The following NCOA1 variants were observed in gnomAD, a reference collection of about 807,000 sequenced individuals.
The protein encoded by NCOA1 is Hin-2 protein.
A neutral mutation model predicts 150.9 loss-of-function variants in NCOA1; 35 were observed. The ratio of observed to expected loss-of-function variants is 0.23; its 90% CI spans 0.18 to 0.31. The LOEUF (loss-of-function observed/expected upper bound fraction) is 0.31, where lower values mean the gene tolerates loss of function less well. NCOA1 is among the 10% of genes least tolerant of loss of function. NCOA1 has a pLI of 1.00. For missense variants in NCOA1, 1,491 were observed against 1,749.3 expected, an observed-to-expected ratio of 0.85 and a Z score of 2.63; for synonymous variants, 590 against 630.0, an observed-to-expected ratio of 0.94 and a Z score of 0.95.
chr2:24,654,089 C>T (rs1446928082), intron 4 of NCOA1, among the ~76,000 whole-genome samples: 1 of 152,120 alleles, frequency 6.6e-6, no homozygotes, highest in Non-Finnish European at 1.5e-5. Context: ...CTGTGAATCT[C>T]TGCAGGAAAA....
chr2:24,567,495 G>A (rs1666563264), intron 2 of NCOA1, among the ~76,000 whole-genome samples: 1 of 152,152 alleles, frequency 6.6e-6, no homozygotes, highest in African/African-American at 2.4e-5. Context: ...CTTTTATTCA[G>A]AATGGTTACT....
At chr2:24,642,170 T>G (rs1670260582) in intron 3 of NCOA1, among the ~76,000 whole-genome samples, 1 of 151,948 alleles carries the variant, frequency 6.6e-6, no homozygotes, top group South Asian at 2.1e-4. Flanking sequence ...GACTTGTTTT[T>G]CTGCTGTCAC....
rs566047787 is a variant in NCOA1, at chr2:24,707,426, A to G, written c.1956A>G (p.Thr652=). Residue 652 remains threonine (T), a synonymous_variant, in exon 13 of 23, where the codon ACA becomes ACG. Coordinates refer to ENST00000348332, the MANE Select transcript of NCOA1 (RefSeq NM_003743.5). ...EQQLRHADID[T]SCKDVLSCTG... ...AGTTACGGCATGCTGATATAGACAC[A>G]AGCTGCAAAGATGTCCTGTCTTGCA... 1.2e-6 allele frequency: 2 copies of G among 1,614,192 alleles called. No individual in the cohort carries two copies. The highest frequency in any genetic ancestry group is 2.2e-5 in the South Asian group (2 of 91,082).
Position 24,644,099 on chromosome 2 carries a change from A to G in NCOA1, c.-41A>G, listed in dbSNP as rs1670354410. The G allele has an allele frequency of 6.6e-6, 1 of 152,200 alleles. No individual in the cohort carries two copies. 9.4% of individuals were successfully genotyped at this position (152,200 alleles called of 1,614,324 possible). A position where few individuals can be genotyped will look rare whatever the true frequency, so the allele number is the denominator to read the frequency against. ...TTGACCATATCTGTTTTGAGGATTCATTATGAACAAAGAAGTCTCCCAGGT... is the reference window on the plus strand; with the variant it reads ...TTGACCATATCTGTTTTGAGGATTCGTTATGAACAAAGAAGTCTCCCAGGT... On this transcript the variant is annotated 5_prime_UTR_variant, in exon 4 of 23. Transcript: ENST00000348332.
chr2:24,768,473 A>G lies in NCOA1; in HGVS notation c.*82A>G. ...ATTATATATTTTTCTGAGATTTTTG[A>G]TATCTCAATCTGCAGCCATTCTTCA... On this transcript the variant is annotated 3_prime_UTR_variant, in exon 23 of 23. Coordinates refer to ENST00000348332, the MANE Select transcript of NCOA1 (RefSeq NM_003743.5). The G allele has an allele frequency of 4.6e-6, 3 of 645,564 alleles. No homozygotes were observed. The highest frequency in any genetic ancestry group is 1.2e-4 in the South Asian group (2 of 16,456). 40.0% of individuals were successfully genotyped at this position (645,564 alleles called of 1,614,324 possible).
At chr2:24,537,267 CAG>C (rs1491263395) in intron 1 of NCOA1, among the ~76,000 whole-genome samples, 137 of 148,778 alleles carry the variant, frequency 9.2e-4, no homozygotes, top group African/African-American at 2.9e-3. Context: ...CACACACACA[CAG>C]ACACACAAAC....
intron 8 of NCOA1, among the ~76,000 whole-genome samples, chr2:24,683,770 G>T (rs17046473): frequency 0.046 from 6,931 of 152,206 alleles, 252 homozygotes; most frequent in East Asian, 0.19. Context: ...AAGTTTTTCA[G>T]TGCTCAAGTT....
intron 3 of NCOA1, among the ~76,000 whole-genome samples, chr2:24,616,661 G>A (rs1325845085): frequency 6.6e-6 from 1 of 152,120 alleles, no homozygotes; most frequent in Non-Finnish European, 1.5e-5. Context: ...GTACACTTTT[G>A]ATCTCCTACT....
intron 3 of NCOA1, among the ~76,000 whole-genome samples, chr2:24,639,808 A>G (rs1476665162): frequency 1.3e-5 from 2 of 150,772 alleles, no homozygotes; most frequent in Non-Finnish European, 3.0e-5. Flanking sequence ...GAATCTCTTG[A>G]ACCTGGGAGG....
intron 4 of NCOA1, among the ~76,000 whole-genome samples, chr2:24,649,562 G>A (rs1375938475): frequency 6.6e-6 from 1 of 152,092 alleles, no homozygotes; most frequent in East Asian, 1.9e-4. Context: ...TAATAAGATA[G>A]CTGCCACAAA....
intron 16 of NCOA1, 33 bp downstream of exon 16, chr2:24,728,509 G>A: frequency 2.5e-6 from 4 of 1,572,356 alleles, no homozygotes; most frequent in Non-Finnish European, 3.5e-6. Flanking sequence ...TTTAACTGAT[G>A]GAGCCCTAAG....
intron 14 of NCOA1, among the ~76,000 whole-genome samples, chr2:24,725,008 T>C (rs1674538740): frequency 6.6e-6 from 1 of 152,186 alleles, no homozygotes; most frequent in Admixed American, 6.5e-5. Context: ...AAGCTGTAAT[T>C]ATATACATTT....
intron 3 of NCOA1, among the ~76,000 whole-genome samples, chr2:24,590,970 A>G (rs901833973): frequency 1.3e-5 from 2 of 152,202 alleles, no homozygotes; most frequent in Non-Finnish European, 2.9e-5. Context: ...TTACTACTGT[A>G]TTCCTAACAC....
At chr2:24,666,749 C>T (rs1408999614) in intron 6 of NCOA1, among the ~76,000 whole-genome samples, 6 of 151,990 alleles carry the variant, frequency 3.9e-5, no homozygotes, top group Admixed American at 2.6e-4. Context: ...TCTCCTGCCT[C>T]AGCCTCCCAA....
intron 1 of NCOA1, among the ~76,000 whole-genome samples, chr2:24,555,548 A>G (rs1228464627): frequency 6.6e-6 from 1 of 152,192 alleles, no homozygotes; most frequent in Admixed American, 6.5e-5. Context: ...TAATAACAGG[A>G]GTATTCATAT....
intron 1 of NCOA1, among the ~76,000 whole-genome samples, chr2:24,558,068 T>A (rs980287210): frequency 1.3e-5 from 2 of 151,070 alleles, no homozygotes; most frequent in African/African-American, 4.9e-5. Flanking sequence ...TTGTCTCCAT[T>A]ATTTTTTTTT....
intron 7 of NCOA1, chr2:24,676,494 A>G (rs891035602): frequency 6.6e-6 from 1 of 152,402 alleles, no homozygotes; most frequent in Non-Finnish European, 1.5e-5. Flanking sequence ...TTGAAAGGAC[A>G]GCACCTTTGA....
chr2:24,586,061 G>A (rs1305964394), intron 3 of NCOA1, among the ~76,000 whole-genome samples: 1 of 151,830 alleles, frequency 6.6e-6, no homozygotes, highest in East Asian at 1.9e-4. Context: ...GATCACCTGA[G>A]CTCAGGAGTT....
intron 8 of NCOA1, among the ~76,000 whole-genome samples, chr2:24,686,570 T>C (rs1243686704): frequency 6.6e-6 from 1 of 152,226 alleles, no homozygotes; most frequent in Non-Finnish European, 1.5e-5. Flanking sequence ...ACCTCTAGTA[T>C]AGATCTATCC....
Sources: allele counts gnomAD v4.1 joint callset (sites outside exome capture counted in the v4.1 genomes callset), GRCh38; gene constraint gnomAD v4.1.1; transcripts MANE v1.5; gene names NCBI Gene and HGNC (gene_info 2026-07-23, HGNC 2026-07-21).